LOC128092253: variants seen among roughly 807,000 people sequenced by gnomAD.
chr6:133,959,205 A>G, the LOC128092253 span, among the ~76,000 whole-genome samples: 1 of 151,954 alleles, frequency 6.6e-6, no homozygotes, highest in African/African-American at 2.4e-5. Flanking sequence ...ACGCCTAGCT[A>G]ATTTTTATAT....
At chr6:133,963,768 C>T in the LOC128092253 span, among the ~76,000 whole-genome samples, 1,296 of 151,822 alleles carry the variant, frequency 8.5e-3, 39 homozygotes, top group Admixed American at 0.063. Flanking sequence ...CGGTGGCTCA[C>T]GCCTGTAATC....
At chr6:133,957,722 T>G in the LOC128092253 span, among the ~76,000 whole-genome samples, 3 of 152,202 alleles carry the variant, frequency 2.0e-5, no homozygotes, top group African/African-American at 4.8e-5. Flanking sequence ...CCTTAAATAT[T>G]AAATAGCTTT....
chr6:133,976,231 A>C, the LOC128092253 span, among the ~76,000 whole-genome samples: 1 of 152,218 alleles, frequency 6.6e-6, no homozygotes, highest in South Asian at 2.1e-4. Context: ...AATTAAACGA[A>C]ATAATTTGGA....
chr6:133,970,550 G>A, the LOC128092253 span, among the ~76,000 whole-genome samples: 1 of 151,872 alleles, frequency 6.6e-6, no homozygotes, highest in Admixed American at 6.6e-5. Flanking sequence ...GCAGAAATGT[G>A]GAGAGAGTAG....
At chr6:133,973,451 A>G in the LOC128092253 span, among the ~76,000 whole-genome samples, 5 of 152,036 alleles carry the variant, frequency 3.3e-5, no homozygotes, top group African/African-American at 1.2e-4. Flanking sequence ...TAGATTTTAG[A>G]TTTATTTTTG....
At chr6:133,958,919 T>C in the LOC128092253 span, among the ~76,000 whole-genome samples, 2 of 152,190 alleles carry the variant, frequency 1.3e-5, no homozygotes, top group African/African-American at 4.8e-5. Context: ...GCAAATATGC[T>C]TGTATTTAGA....
chr6:133,967,806 A>G, the LOC128092253 span, among the ~76,000 whole-genome samples: 3 of 152,188 alleles, frequency 2.0e-5, no homozygotes, highest in Non-Finnish European at 4.4e-5. Flanking sequence ...AGGAAAATCA[A>G]TTAATTCAGT....
the LOC128092253 span, among the ~76,000 whole-genome samples, chr6:133,970,906 G>A: frequency 6.6e-6 from 1 of 152,038 alleles, no homozygotes; most frequent in African/African-American, 2.4e-5. Flanking sequence ...TCAGGGTAGG[G>A]CATCTGTCAC....
At chr6:133,956,030 A>G in the LOC128092253 span, among the ~76,000 whole-genome samples, 3 of 152,064 alleles carry the variant, frequency 2.0e-5, no homozygotes, top group Non-Finnish European at 2.9e-5. Flanking sequence ...CACATTATTT[A>G]AAAAAATCAG....
the LOC128092253 span, among the ~76,000 whole-genome samples, chr6:133,955,714 G>T: frequency 6.6e-6 from 1 of 152,076 alleles, no homozygotes; most frequent in African/African-American, 2.4e-5. Context: ...AATTGTAGAC[G>T]GTCACTTTTT....
At chr6:133,977,863 C>G in the LOC128092253 span, among the ~76,000 whole-genome samples, 3 of 152,176 alleles carry the variant, frequency 2.0e-5, no homozygotes, top group Non-Finnish European at 4.4e-5. Flanking sequence ...AGCTCTAGCT[C>G]TCATATCCAA....
At chr6:133,964,035 C>T in the LOC128092253 span, among the ~76,000 whole-genome samples, 6 of 152,120 alleles carry the variant, frequency 3.9e-5, no homozygotes, top group African/African-American at 9.6e-5. Flanking sequence ...AGCAAGACTG[C>T]GTCTCAAAAA....
At chr6:133,978,090 C>T in the LOC128092253 span, among the ~76,000 whole-genome samples, 1 of 152,156 alleles carries the variant, frequency 6.6e-6, no homozygotes, top group Non-Finnish European at 1.5e-5. Flanking sequence ...CCCAGCTAAA[C>T]ATCTGAGCTC....
the LOC128092253 span, among the ~76,000 whole-genome samples, chr6:133,954,176 A>G: frequency 6.6e-6 from 1 of 152,204 alleles, no homozygotes; most frequent in Admixed American, 6.5e-5. Flanking sequence ...ATAAGACTCA[A>G]ACTGCAGTCA....
At chr6:133,979,314 TAAGTC>T in the LOC128092253 span, among the ~76,000 whole-genome samples, 5 of 152,238 alleles carry the variant, frequency 3.3e-5, no homozygotes, top group South Asian at 1.0e-3. Context: ...GCTTTAAACT[TAAGTC>T]AGTTACTCTG....
the LOC128092253 span, among the ~76,000 whole-genome samples, chr6:133,956,927 C>T: frequency 1.3e-5 from 2 of 152,120 alleles, no homozygotes; most frequent in Non-Finnish European, 2.9e-5. Flanking sequence ...TTCCAGGCTA[C>T]ATAGACAAAT....
At chr6:133,964,963 A>G in the LOC128092253 span, among the ~76,000 whole-genome samples, 1 of 152,166 alleles carries the variant, frequency 6.6e-6, no homozygotes, top group Non-Finnish European at 1.5e-5. Flanking sequence ...TAAATTCTTG[A>G]TGAGTTATCA....
chr6:133,956,849 T>C, the LOC128092253 span, among the ~76,000 whole-genome samples: 2 of 152,218 alleles, frequency 1.3e-5, no homozygotes, highest in Admixed American at 6.5e-5. Flanking sequence ...CGATATTTGC[T>C]CTTGTCACAT....
chr6:133,954,354 CT>C, the LOC128092253 span, among the ~76,000 whole-genome samples: 1 of 152,078 alleles, frequency 6.6e-6, no homozygotes, highest in African/African-American at 2.4e-5. Context: ...TGTGGATTCT[CT>C]GGGAAAATAT....
Sources: gnomAD v4.1 joint callset for allele counts (sites outside exome capture counted in the v4.1 genomes callset) on GRCh38, gnomAD v4.1.1 for gene constraint, MANE v1.5 for transcripts.